The following VAV3 variants were observed in gnomAD, a reference collection of about 807,000 sequenced individuals.
The protein encoded by VAV3 is guanine nucleotide exchange factor VAV3.
Under a neutral mutation model 131.2 loss-of-function variants are expected in VAV3, and 94 were observed. The observed-to-expected ratio is 0.72, with a 90% CI of 0.61 to 0.85. The LOEUF is 0.85. Ranked by LOEUF, VAV3 falls within the 40% of genes least tolerant of loss-of-function variation. The pLI is 0.00. For missense variants in VAV3, 939 were observed against 1,002.7 expected, an observed-to-expected ratio of 0.94 and a Z score of 0.86; for synonymous variants, 349 against 342.0, an observed-to-expected ratio of 1.02 and a Z score of -0.22.
At chr1:107,955,231 G>A (rs1180429741) in intron 1 of VAV3, among the ~76,000 whole-genome samples, 3 of 152,012 alleles carry the variant, frequency 2.0e-5, no homozygotes, top group East Asian at 3.9e-4. Context: ...AGAGTCACTC[G>A]GTAAGTGGTG....
At chr1:107,961,920 G>C (rs1245962671) in intron 1 of VAV3, among the ~76,000 whole-genome samples, 1 of 152,120 alleles carries the variant, frequency 6.6e-6, no homozygotes, top group East Asian at 1.9e-4. Context: ...GAATAGAAAG[G>C]CATCCCACTC....
At chr1:107,857,743 C>G (rs377000322) in intron 2 of VAV3, among the ~76,000 whole-genome samples, 1 of 152,048 alleles carries the variant, frequency 6.6e-6, no homozygotes, top group East Asian at 1.9e-4. Context: ...ACTGACTGTG[C>G]CTGATTCCTG....
At chr1:107,628,635 A>G (rs893512761) in intron 20 of VAV3, among the ~76,000 whole-genome samples, 1 of 152,148 alleles carries the variant, frequency 6.6e-6, no homozygotes, top group Non-Finnish European at 1.5e-5. Flanking sequence ...TTTGTTTACT[A>G]TTTTTTCTAC....
intron 19 of VAV3, among the ~76,000 whole-genome samples, chr1:107,647,128 G>A (rs999165808): frequency 6.6e-6 from 1 of 151,014 alleles, no homozygotes; most frequent in Non-Finnish European, 1.5e-5. Context: ...CAAGAAGAGC[G>A]ATTGCTACAA....
At chr1:107,802,483 T>C (rs758288982) in intron 2 of VAV3, among the ~76,000 whole-genome samples, 2 of 152,130 alleles carry the variant, frequency 1.3e-5, no homozygotes, top group Non-Finnish European at 2.9e-5. Context: ...GGGTTTGTCA[T>C]ATATGGCCTT....
chr1:107,795,566 G>A (rs1442520428), intron 2 of VAV3, among the ~76,000 whole-genome samples: 1 of 152,032 alleles, frequency 6.6e-6, no homozygotes, highest in East Asian at 1.9e-4. Flanking sequence ...TCAAAATATG[G>A]CATATGTAAG....
intron 1 of VAV3, among the ~76,000 whole-genome samples, chr1:107,941,977 T>C (rs1275212104): frequency 1.3e-5 from 2 of 152,102 alleles, no homozygotes; most frequent in East Asian, 3.9e-4. Flanking sequence ...CAGCCAGCCC[T>C]AGACTGTCTC....
intron 20 of VAV3, among the ~76,000 whole-genome samples, chr1:107,638,236 A>G (rs1655076759): frequency 1.3e-5 from 2 of 152,222 alleles, no homozygotes; most frequent in Non-Finnish European, 2.9e-5. Context: ...AAGAAATAAA[A>G]GGCAATCAGA....
At chr1:107,764,268 C>A (rs1037104297) in intron 9 of VAV3, among the ~76,000 whole-genome samples, 3 of 151,966 alleles carry the variant, frequency 2.0e-5, no homozygotes, top group African/African-American at 7.3e-5. Flanking sequence ...GAATGCTCTC[C>A]ATAGAATCTC....
At chr1:107,888,007 G>C (rs1030552061) in intron 1 of VAV3, among the ~76,000 whole-genome samples, 2 of 151,772 alleles carry the variant, frequency 1.3e-5, no homozygotes, top group African/African-American at 2.4e-5. Flanking sequence ...AAAAATTTGG[G>C]GGGGGGGTTA....
chr1:107,592,419 C>A (rs1438953578), intron 25 of VAV3, among the ~76,000 whole-genome samples: 1 of 151,952 alleles, frequency 6.6e-6, no homozygotes, highest in Non-Finnish European at 1.5e-5. Flanking sequence ...ATTACTATTA[C>A]CCTTTTGTAA....
intron 3 of VAV3, among the ~76,000 whole-genome samples, chr1:107,778,579 G>A (rs1038510074): frequency 6.6e-6 from 1 of 152,154 alleles, no homozygotes; most frequent in African/African-American, 2.4e-5. Context: ...CATTTTTCCT[G>A]AGCTCACTGT....
chr1:107,708,330 G>T (rs77455034), intron 15 of VAV3, among the ~76,000 whole-genome samples: 2 of 152,140 alleles, frequency 1.3e-5, no homozygotes. Flanking sequence ...TAGTTAACTC[G>T]CTCAGTCATG....
chr1:107,663,588 G>T (rs1311826960), intron 19 of VAV3, among the ~76,000 whole-genome samples: 2 of 152,088 alleles, frequency 1.3e-5, no homozygotes, highest in East Asian at 3.9e-4. Context: ...CATGATTCAA[G>T]ATAATTGCCT....
At chr1:107,586,835 A>T (rs1650537138) in intron 25 of VAV3, among the ~76,000 whole-genome samples, 1 of 152,136 alleles carries the variant, frequency 6.6e-6, no homozygotes. Context: ...TGGTAGGAAG[A>T]ATATATATTT....
chr1:107,940,292 G>C (rs1441956152), intron 1 of VAV3, among the ~76,000 whole-genome samples: 1 of 152,098 alleles, frequency 6.6e-6, no homozygotes, highest in African/African-American at 2.4e-5. Flanking sequence ...GAATTATAAG[G>C]TCAGGCAAGA....
intron 2 of VAV3, among the ~76,000 whole-genome samples, chr1:107,792,321 G>C (rs1175101777): frequency 1.3e-5 from 2 of 152,138 alleles, no homozygotes; most frequent in Non-Finnish European, 2.9e-5. Flanking sequence ...TGGAAATATA[G>C]ATGCTGTCTA....
At chr1:107,766,282 T>G (rs913186889) in intron 8 of VAV3, among the ~76,000 whole-genome samples, 165 bp downstream of exon 8, 1 of 152,144 alleles carries the variant, frequency 6.6e-6, no homozygotes, top group Admixed American at 6.6e-5. Context: ...TAATTACATA[T>G]ATAGAACTCA....
intron 1 of VAV3, among the ~76,000 whole-genome samples, chr1:107,939,131 A>G (rs2101253516): frequency 1.3e-5 from 2 of 152,358 alleles, no homozygotes; most frequent in Middle Eastern, 6.8e-3. Flanking sequence ...TGGCTTCATT[A>G]AACTGTGTTA....
Sources: allele counts gnomAD v4.1 joint callset (sites outside exome capture counted in the v4.1 genomes callset), GRCh38; gene constraint gnomAD v4.1.1; transcripts MANE v1.5; gene names NCBI Gene and HGNC (gene_info 2026-07-23, HGNC 2026-07-21).